Variants in ARHGEF10 observed in about 807,000 individuals in gnomAD.
ARHGEF10 encodes Rho guanine nucleotide exchange factor (GEF) 10.
Under a neutral mutation model 147.4 loss-of-function variants are expected in ARHGEF10, and 140 were observed. The observed-to-expected ratio is 0.95, with a 90% CI of 0.83 to 1.09. ARHGEF10 has a LOEUF of 1.09. Ranked by LOEUF, ARHGEF10 falls within the 50% of genes least tolerant of loss-of-function variation. The probability of loss-of-function intolerance (pLI) is 0.00; values close to 1 mark genes in which losing one functional copy is unlikely to be tolerated. For synonymous variants in ARHGEF10, 902 were observed against 695.8 expected (o/e 1.30, Z -4.67); for missense variants, 2,222 against 1,752.7 (o/e 1.27, Z -4.78).
intron 2 of ARHGEF10, among the ~76,000 whole-genome samples, chr8:1,846,612 C>A (rs926324721): frequency 1.3e-5 from 2 of 152,140 alleles, no homozygotes; most frequent in Middle Eastern, 3.4e-3. Flanking sequence ...GAGTCTCGCT[C>A]TCTCACCCAG....
At chr8:1,888,172 A>ACTAG (rs1808899855) in intron 11 of ARHGEF10, among the ~76,000 whole-genome samples, 1 of 38,924 alleles carries the variant, frequency 2.6e-5, no homozygotes, top group African/African-American at 1.9e-4. Context: ...GCGAGGAGAC[A>ACTAG]GTGAGTGGGG....
intron 26 of ARHGEF10, among the ~76,000 whole-genome samples, chr8:1,944,604 G>A (rs1200680656): frequency 1.3e-5 from 2 of 152,242 alleles, no homozygotes; most frequent in Non-Finnish European, 2.9e-5. Context: ...GGGCCAAGAT[G>A]TCAGTCTGGT....
At chr8:1,825,585 C>G (rs1049543361) in intron 1 of ARHGEF10, among the ~76,000 whole-genome samples, 25 of 151,402 alleles carry the variant, frequency 1.7e-4, no homozygotes, top group South Asian at 2.1e-4. Flanking sequence ...TGCCCTAGGT[C>G]CACAGACGCC....
rs1050563160 is a variant in ARHGEF10, at chr8:1,948,856, C to T, written c.3397+3201C>T. 3.9e-5 allele frequency among the ~76,000 whole-genome samples: 6 copies of T among 152,178 alleles called. No individual in the cohort carries two copies. The highest frequency in any genetic ancestry group is 4.1e-4 in the South Asian group (2 of 4,830). Reference sequence around the variant, plus strand: ...CATGCTCATACCGTGCTGAAGTGCGCGGATGCTGAGGTCGCCGGGCCGTCA... The same window carrying T: ...CATGCTCATACCGTGCTGAAGTGCGTGGATGCTGAGGTCGCCGGGCCGTCA... On this transcript the variant is annotated intron_variant, in intron 27 of 28. Transcript: ENST00000349830. This position sits in a 1 kb window ranked among gnomAD's most constrained non-coding sequence, Gnocchi z 4.9.
rs1191507374 is a variant in ARHGEF10 at position 1,850,246 on chromosome 8, G to A, written c.37+6810G>A. 1.6e-3 allele frequency among the ~76,000 whole-genome samples: 193 copies of A among 122,596 alleles called. 7 individuals are homozygous for A. Among genetic ancestry groups the A allele is most frequent in the African/African-American group, 5.2e-3 (186 of 35,440 alleles). The allele number at this position is 122,596 out of a possible 152,430, so 80.4% of individuals were successfully genotyped here. Reference sequence around the variant, plus strand: ...GCTAAGGAGGGCGTGGGGCAGTCGCGTGGACACAGACGGCAAATGCTGAGG... The same window carrying A: ...GCTAAGGAGGGCGTGGGGCAGTCGCATGGACACAGACGGCAAATGCTGAGG... On this transcript the variant is annotated intron_variant, in intron 2 of 28. Transcript: ENST00000349830.
At chr8:1,940,956 A>G (rs1007368843) in intron 26 of ARHGEF10, among the ~76,000 whole-genome samples, 3 of 152,258 alleles carry the variant, frequency 2.0e-5, no homozygotes, top group Admixed American at 6.5e-5. Context: ...AACTAAGACT[A>G]GAAGGTGATT....
chr8:1,842,040 AC>A (rs1804127070), intron 1 of ARHGEF10, among the ~76,000 whole-genome samples: 1 of 118,848 alleles, frequency 8.4e-6, no homozygotes, highest in East Asian at 2.6e-4. Context: ...CGCGGCGGGA[AC>A]TGGGGCCGCG....
chr8:1,875,204 A>G lies in ARHGEF10; in HGVS notation c.680-1367A>G, dbSNP rs1366146012. ...AGACACACACGGGGCTGTGTCGGGG[A>G]TAGAGGTTCTAAGACAGTCTGGTGG... On this transcript the variant is annotated intron_variant, in intron 7 of 28. Coordinates refer to ENST00000349830, the MANE Select transcript of ARHGEF10 (RefSeq NM_014629.4). Among the ~76,000 whole-genome samples, 392 of 84,104 alleles carry G rather than the reference A, an allele frequency of 4.7e-3. 4 individuals carry two copies. The highest frequency in any genetic ancestry group is 0.016 in the African/African-American group (350 of 21,220). 55.2% of individuals were successfully genotyped at this position (84,104 alleles called of 152,430 possible). A position where few individuals can be genotyped will look rare whatever the true frequency, so the allele number is the denominator to read the frequency against.
intron 4 of ARHGEF10, among the ~76,000 whole-genome samples, chr8:1,863,380 G>A (rs570911502): frequency 2.0e-5 from 3 of 152,292 alleles, no homozygotes; most frequent in South Asian, 2.1e-4. Context: ...AGGTTACATC[G>A]AGCTCAGCTG....
chr8:1,868,798 C>G (rs188332534), intron 6 of ARHGEF10, among the ~76,000 whole-genome samples: 21 of 152,268 alleles, frequency 1.4e-4, no homozygotes, highest in African/African-American at 4.6e-4. Flanking sequence ...GTCAGAACGT[C>G]AACTTCATAA....
rs923103341 is a variant in ARHGEF10 at position 1,952,841 on chromosome 8, G to C, written c.3520+14G>C. Reference sequence around the variant, plus strand: ...CCAAAGTGACCGGTGAGTGGCACCTGCAGTCTGAGTGGCTGCATCCTGTCT... The same window carrying C: ...CCAAAGTGACCGGTGAGTGGCACCTCCAGTCTGAGTGGCTGCATCCTGTCT... On this transcript the variant is annotated intron_variant, in intron 28 of 28. Transcript: ENST00000349830. The C allele has an allele frequency of 1.9e-6, 3 of 1,613,630 alleles. No individual in the cohort carries two copies. The highest frequency in any genetic ancestry group is 1.3e-5 in the African/African-American group (1 of 74,956).
At chr8:1,829,938 C>G (rs1802987515) in intron 1 of ARHGEF10, among the ~76,000 whole-genome samples, 1 of 152,160 alleles carries the variant, frequency 6.6e-6, no homozygotes, top group Admixed American at 6.5e-5. Flanking sequence ...AGCGTTTTGC[C>G]AGCTGATGAA....
At chr8:1,932,491 G>C (rs1476211062) in intron 25 of ARHGEF10, among the ~76,000 whole-genome samples, 1 of 151,518 alleles carries the variant, frequency 6.6e-6, no homozygotes, top group Admixed American at 6.6e-5. Context: ...GTGCACGTGT[G>C]TGTGTGCATA....
intron 7 of ARHGEF10, among the ~76,000 whole-genome samples, chr8:1,874,853 G>C (rs564211893): frequency 3.6e-5 from 4 of 112,206 alleles, no homozygotes; most frequent in South Asian, 3.7e-4. Flanking sequence ...GTAGGGGGTA[G>C]AGGTTCTAAG....
At chr8:1,855,042 C>T (rs143915463) in intron 2 of ARHGEF10, among the ~76,000 whole-genome samples, 13 of 152,232 alleles carry the variant, frequency 8.5e-5, no homozygotes, top group African/African-American at 2.4e-4. Flanking sequence ...CCTGCACACA[C>T]GGGCTCCTGT....
At chr8:1,880,662 G>A (rs777975327) in intron 9 of ARHGEF10, among the ~76,000 whole-genome samples, 6 of 152,146 alleles carry the variant, frequency 3.9e-5, no homozygotes, top group Non-Finnish European at 7.3e-5. Flanking sequence ...TTTTAAGAGC[G>A]TCCAGGGCCC....
At chr8:1,831,729 G>C (rs1803121808) in intron 1 of ARHGEF10, among the ~76,000 whole-genome samples, 1 of 152,248 alleles carries the variant, frequency 6.6e-6, no homozygotes, top group African/African-American at 2.4e-5. Context: ...CTCATGTACT[G>C]CTGTGCGGGT....
intron 14 of ARHGEF10, among the ~76,000 whole-genome samples, chr8:1,897,766 A>G (rs1404465705): frequency 6.6e-6 from 1 of 152,164 alleles, no homozygotes; most frequent in Non-Finnish European, 1.5e-5. Flanking sequence ...CCCATTAAGG[A>G]TGCCAGCCGT....
chr8:1,925,717 CT>C (rs1478264608), intron 22 of ARHGEF10, among the ~76,000 whole-genome samples: 1 of 152,126 alleles, frequency 6.6e-6, no homozygotes. Flanking sequence ...TCTGTTTTGC[CT>C]TTGCTTGGCA....
Sources: gnomAD v4.1 joint callset for allele counts (sites outside exome capture counted in the v4.1 genomes callset) on GRCh38, gnomAD v4.1.1 for gene constraint, Gnocchi (gnomAD v3.1) non-coding constraint, MANE v1.5 for transcripts, NCBI Gene and HGNC (gene_info 2026-07-23, HGNC 2026-07-21) for gene names.